FMNL3: variants seen among roughly 807,000 people sequenced by gnomAD.
FMNL3 encodes formin-like protein 3.
In FMNL3, 57 loss-of-function variants were observed where a neutral mutation model predicts 119.6. The observed-to-expected ratio is 0.48, with a 90% CI of 0.39 to 0.59. FMNL3 has a LOEUF of 0.59. Ranked by LOEUF, FMNL3 falls within the 20% of genes least tolerant of loss-of-function variation. FMNL3 has a pLI of 0.00. For missense variants in FMNL3, 1,053 were observed against 1,323.5 expected, an observed-to-expected ratio of 0.80 and a Z score of 3.17; for synonymous variants, 491 against 507.3, an observed-to-expected ratio of 0.97 and a Z score of 0.43.
chr12:49,678,163 A>G (rs1231409608), intron 1 of FMNL3, among the ~76,000 whole-genome samples: 1 of 122,514 alleles, frequency 8.2e-6, no homozygotes, highest in Non-Finnish European at 1.7e-5. Context: ...TGCCCGGCCT[A>G]TTTTATTTTT....
chr12:49,696,617 A>C (rs552774309), intron 1 of FMNL3, among the ~76,000 whole-genome samples: 10 of 152,354 alleles, frequency 6.6e-5, no homozygotes, highest in Non-Finnish European at 1.2e-4. Flanking sequence ...CAGAACCCAC[A>C]GATAAGGAGG....
In FMNL3 at chr12:49,658,488, G is replaced by C; in HGVS notation, c.559C>G (p.Pro187Ala). 1 of 1,613,290 alleles carries C rather than the reference G, an allele frequency of 6.2e-7. No individual in the cohort carries two copies. Among genetic ancestry groups the C allele is most frequent in the Non-Finnish European group, 8.5e-7 (1 of 1,179,494 alleles). The change falls in exon 6 of 26, where the codon CCC (proline) becomes GCC (alanine). Residue 187 changes from proline (P) to alanine (A), a missense_variant. Around this residue, in one of 4 missense-constraint regions of FMNL3, gnomAD observed 264 missense variants for 265.5 expected, o/e 0.99. Coordinates refer to ENST00000335154, the MANE Select transcript of FMNL3 (RefSeq NM_175736.5). ...GAGCGAGCGAGGCTGTTGGTGAAGG[G>C]GGCCGACAGGGCGCTGGGTGGCTGC... ...DLQPPSALSAPFTNSLARSAR... is the reference protein window; with the variant it reads ...DLQPPSALSAAFTNSLARSAR...
intron 5 of FMNL3, among the ~76,000 whole-genome samples, chr12:49,661,089 G>C (rs1943719989): frequency 6.6e-6 from 1 of 152,192 alleles, no homozygotes; most frequent in Non-Finnish European, 1.5e-5. Flanking sequence ...ACCTGTCTTA[G>C]GTGTAAGTCT....
chr12:49,654,376 G>T, intron 10 of FMNL3, 74 bp from the exon 11 acceptor site: 2 of 1,236,956 alleles, frequency 1.6e-6, no homozygotes, highest in Non-Finnish European at 2.4e-6. Context: ...AGGATAGGCG[G>T]CTGTTAGAAT....
chr12:49,705,564 T>C (rs1265706361), intron 1 of FMNL3, among the ~76,000 whole-genome samples: 1 of 151,974 alleles, frequency 6.6e-6, no homozygotes, highest in African/African-American at 2.4e-5. Context: ...CCCACCAGAG[T>C]GCAGATCCCC....
At chr12:49,681,188 T>C (rs1944324228) in intron 1 of FMNL3, among the ~76,000 whole-genome samples, 1 of 152,250 alleles carries the variant, frequency 6.6e-6, no homozygotes, top group African/African-American at 2.4e-5. Flanking sequence ...GACAAATTCT[T>C]ACATCTGAGT....
intron 6 of FMNL3, 77 bp from the exon 7 acceptor site, chr12:49,657,267 G>T: frequency 8.7e-7 from 1 of 1,153,748 alleles, no homozygotes; most frequent in Non-Finnish European, 1.3e-6. Context: ...CCATCACCCG[G>T]ACAGCAGGCT....
chr12:49,658,354 G>C (rs769891424), intron 6 of FMNL3, 88 bp downstream of exon 6: 121 of 1,477,092 alleles, frequency 8.2e-5, no homozygotes, highest in Non-Finnish European at 1.0e-4. Context: ...AAGAGTGGAG[G>C]GAGGAGCATG....
rs781411476 is a variant in FMNL3, at chr12:49,658,454, T to G, written c.593A>C (p.Gln198Pro). The G allele has an allele frequency of 3.7e-6, 6 of 1,606,452 alleles. No homozygotes were observed. The highest frequency in any genetic ancestry group is 1.7e-4 in the Middle Eastern group (1 of 6,034). The stretch of plus-strand genomic sequence containing the variant: ...AAAGCACACATACCGGAGCACAGAC[T>G]GGCGCGCAGAGCGAGCGAGGCTGTT... ...FTNSLARSAR[Q>P]SVLRYSTLPG... The change falls in exon 6 of 26, where the codon CAG (glutamine) becomes CCG (proline). Residue 198 changes from glutamine to proline, a missense_variant. Around this residue, in one of 4 missense-constraint regions of FMNL3, gnomAD observed 264 missense variants for 265.5 expected, o/e 0.99. Coordinates refer to ENST00000335154, the MANE Select transcript of FMNL3 (RefSeq NM_175736.5).
intron 1 of FMNL3, among the ~76,000 whole-genome samples, chr12:49,690,183 A>G (rs1944565341): frequency 6.6e-6 from 1 of 152,232 alleles, no homozygotes; most frequent in South Asian, 2.1e-4. Context: ...AGTTCAAAAT[A>G]TAGTTTTAAG....
intron 1 of FMNL3, among the ~76,000 whole-genome samples, chr12:49,706,763 C>T (rs1250652668): frequency 1.3e-5 from 2 of 152,152 alleles, no homozygotes; most frequent in Admixed American, 6.5e-5. Flanking sequence ...GGGAAAAGGG[C>T]AGCAGAAGGG....
chr12:49,691,744 T>C (rs1944608002), intron 1 of FMNL3, among the ~76,000 whole-genome samples: 2 of 151,940 alleles, frequency 1.3e-5, no homozygotes, highest in African/African-American at 4.8e-5. Context: ...CCATTAAAAG[T>C]TGGGTCTGGC....
Position 49,648,291 on chromosome 12 carries a change from G to A in FMNL3, c.2578C>T (p.Arg860Cys), listed in dbSNP as rs369130733. The change falls in exon 22 of 26, where the codon CGT becomes TGT. Residue 860 changes from arginine (R) to cysteine (C), a missense_variant. Around this residue, in one of 4 missense-constraint regions of FMNL3, gnomAD observed 324 missense variants for 380.9 expected, o/e 0.85. Transcript: ENST00000335154. ...ELGRGMELIRRECSIHDNSVL... is the reference protein window; with the variant it reads ...ELGRGMELIRCECSIHDNSVL... Reference sequence around the variant, plus strand: ...CTGTTGTCATGGATGCTGCACTCACGCCGAATCAGCTCCATGCCCCGGCCC... The same window carrying A: ...CTGTTGTCATGGATGCTGCACTCACACCGAATCAGCTCCATGCCCCGGCCC... 2.3e-5 allele frequency: 37 copies of A among 1,613,636 alleles called. No individual in the cohort carries two copies. The highest frequency in any genetic ancestry group is 6.7e-5 in the East Asian group (3 of 44,864).
intron 1 of FMNL3, 66 bp downstream of exon 1, chr12:49,706,989 G>T (rs1374615403): frequency 6.5e-7 from 1 of 1,527,640 alleles, no homozygotes; most frequent in Non-Finnish European, 8.8e-7. Context: ...CCAGCACAAA[G>T]TCCCAGCCCG....
At position 49,707,213 on chromosome 12, in the gene FMNL3, C is replaced by G. The variant is rs1378572543; in HGVS notation, c.-33G>C. Reference sequence around the variant, plus strand: ...GGGCCCCCTCAGGGGCCTCGGCCCCCCACCTCCACGCTCCGGAGCTTTCGG... The same window carrying G: ...GGGCCCCCTCAGGGGCCTCGGCCCCGCACCTCCACGCTCCGGAGCTTTCGG... On this transcript the variant is annotated 5_prime_UTR_variant, in exon 1 of 26. Transcript: ENST00000335154. The G allele has an allele frequency of 2.0e-6, 3 of 1,473,660 alleles. No individual in the cohort carries two copies. The highest frequency in any genetic ancestry group is 2.7e-6 in the Non-Finnish European group (3 of 1,118,278). 91.3% of individuals were successfully genotyped at this position (1,473,660 alleles called of 1,614,324 possible).
At chr12:49,697,140 T>C (rs566617431) in intron 1 of FMNL3, among the ~76,000 whole-genome samples, 7 of 152,330 alleles carry the variant, frequency 4.6e-5, no homozygotes, top group South Asian at 2.1e-4. Context: ...TCCCAACTTA[T>C]AAAAACTTTT....
chr12:49,651,484 C>G (rs751729378), intron 14 of FMNL3, 34 bp from the exon 15 acceptor site: 2 of 1,432,080 alleles, frequency 1.4e-6, no homozygotes, highest in Admixed American at 5.0e-5. Flanking sequence ...GTGACCCAGG[C>G]GTCAAGAGAC....
chr12:49,697,362 T>C (rs1250941378), intron 1 of FMNL3, among the ~76,000 whole-genome samples: 3 of 152,198 alleles, frequency 2.0e-5, no homozygotes. Context: ...CTGTCTTCCC[T>C]TTTACTGCTC....
At chr12:49,656,929 C>T in intron 7 of FMNL3, 30 bp from the exon 8 acceptor site, 1 of 1,599,890 alleles carries the variant, frequency 6.3e-7, no homozygotes, top group Non-Finnish European at 8.6e-7. Flanking sequence ...AGGAGGGGAC[C>T]TTGATGGTGG....
Sources: gnomAD v4.1 joint callset for allele counts (sites outside exome capture counted in the v4.1 genomes callset) on GRCh38, gnomAD v4.1.1 for gene constraint, gnomAD v4.1.1 regional missense constraint, MANE v1.5 for transcripts, NCBI Gene and HGNC (gene_info 2026-07-23, HGNC 2026-07-21) for gene names.